The following RIPOR3 variants were observed in gnomAD, a reference collection of about 807,000 sequenced individuals.
RIPOR3 encodes the protein RIPOR family member 3.
Under a neutral mutation model 114.3 loss-of-function variants are expected in RIPOR3, and 95 were observed. That is an observed-to-expected ratio of 0.83 (90% CI 0.70 to 0.99). The LOEUF (loss-of-function observed/expected upper bound fraction) is 0.99. Ranked by LOEUF, RIPOR3 falls within the 50% of genes least tolerant of loss-of-function variation. The pLI, the probability that RIPOR3 is intolerant of heterozygous loss-of-function variation, is 0.00. For missense variants in RIPOR3, 1,252 were observed against 1,266.9 expected (o/e 0.99, Z 0.18); for synonymous variants, 575 against 543.8 (o/e 1.06, Z -0.80).
In RIPOR3 at chr20:50,610,917, A is replaced by G. The variant is rs763861307; in HGVS notation, c.373-11T>C. 5 of 1,614,112 alleles carry G rather than the reference A, an allele frequency of 3.1e-6. No homozygotes were observed. Among genetic ancestry groups the G allele is most frequent in the East Asian group, 2.2e-5 (1 of 44,878 alleles). On this transcript the variant is annotated splice_polypyrimidine_tract_variant and intron_variant, in intron 5 of 21. Coordinates refer to ENST00000327979, the MANE Select transcript of RIPOR3 (RefSeq NM_001290268.2). Reference sequence around the variant, plus strand: ...CACACAGCGCGTTTGCTTCTCCCGGAAAAAGGGAAGATGTTTGCAAAGTTG... The same window carrying G: ...CACACAGCGCGTTTGCTTCTCCCGGGAAAAGGGAAGATGTTTGCAAAGTTG...
intron 2 of RIPOR3, chr20:50,620,826 A>G: frequency 9.9e-7 from 1 of 1,010,670 alleles, no homozygotes; most frequent in Non-Finnish European, 1.5e-6. Flanking sequence ...AACGTGAGCA[A>G]GCCCAGGCAC....
intron 1 of RIPOR3, among the ~76,000 whole-genome samples, chr20:50,689,322 C>T (rs112207559): frequency 0.02 from 3,077 of 152,128 alleles, 41 homozygotes; most frequent in Middle Eastern, 0.054. Flanking sequence ...ACTATAGGCA[C>T]GCACCACCAC....
In RIPOR3 at chr20:50,620,854, T is replaced by TG. The variant is rs1600597029; in HGVS notation, c.123-723_123-722insC. 1.3e-5 allele frequency: 10 copies of TG among 753,300 alleles called. No individual in the cohort carries two copies. In the East Asian group the frequency reaches 2.7e-4, roughly 21 times the overall value. The allele number at this position is 753,300 out of a possible 1,614,324, so 46.7% of individuals were successfully genotyped here. On this transcript the variant is annotated intron_variant, in intron 2 of 21. Transcript: ENST00000327979. ...CCAGGCACAGCCGCTGCAGTGGGTG[T>TG]CTGACCAAATACACTGAGTTTGTGC...
chr20:50,672,528 C>G (rs2086551162), intron 1 of RIPOR3, among the ~76,000 whole-genome samples: 1 of 152,188 alleles, frequency 6.6e-6, no homozygotes, highest in South Asian at 2.1e-4. Flanking sequence ...AACCAACCAA[C>G]AGCCACAGCA....
Position 50,595,849 on chromosome 20 carries a change from G to A in RIPOR3, c.1914+291C>T, listed in dbSNP as rs6091181. 7.0e-3 allele frequency among the ~76,000 whole-genome samples: 1,068 copies of A among 152,298 alleles called. 12 individuals are homozygous for A. The highest frequency in any genetic ancestry group is 0.024 in the African/African-American group (1,000 of 41,556). ...TCTGAGGCTTTCAGTACCATGAGCC[G>A]ATAAATTTTCCTGTTGGCTGAGCCA... is the stretch of plus-strand genomic sequence containing the variant. On this transcript the variant is annotated intron_variant, in intron 15 of 21. Coordinates refer to ENST00000327979, the MANE Select transcript of RIPOR3 (RefSeq NM_001290268.2).
intron 14 of RIPOR3, 115 bp from the exon 15 acceptor site, chr20:50,596,378 C>T (rs780079472): frequency 8.3e-5 from 120 of 1,437,826 alleles, no homozygotes; most frequent in Non-Finnish European, 1.1e-4. Flanking sequence ...CTCCAGGTCC[C>T]AGGAAGTTCA....
At chr20:50,684,358 A>G (rs1171395825) in intron 1 of RIPOR3, among the ~76,000 whole-genome samples, 1 of 152,190 alleles carries the variant, frequency 6.6e-6, no homozygotes, top group Non-Finnish European at 1.5e-5. Context: ...CCAGGCATAG[A>G]GAAAAGCGAT....
At chr20:50,684,620 G>C (rs2086956774) in intron 1 of RIPOR3, among the ~76,000 whole-genome samples, 1 of 152,162 alleles carries the variant, frequency 6.6e-6, no homozygotes, top group Non-Finnish European at 1.5e-5. Context: ...GACCAGGAGG[G>C]AGGCAAGAGG....
chr20:50,668,700 T>C (rs182527114), intron 1 of RIPOR3, among the ~76,000 whole-genome samples: 86 of 152,088 alleles, frequency 5.7e-4, no homozygotes, highest in African/African-American at 2.1e-3. Context: ...CCCCTAAAAA[T>C]ACAAAAATTA....
At chr20:50,669,416 T>C (rs1224446684) in intron 1 of RIPOR3, among the ~76,000 whole-genome samples, 1 of 152,228 alleles carries the variant, frequency 6.6e-6, no homozygotes, top group African/African-American at 2.4e-5. Flanking sequence ...CTTTCCTCTT[T>C]GGCCTTTCTG....
chr20:50,657,992 T>G (rs1472464213), intron 1 of RIPOR3, among the ~76,000 whole-genome samples: 1 of 152,038 alleles, frequency 6.6e-6, no homozygotes, highest in African/African-American at 2.4e-5. Flanking sequence ...CTCAAACTCC[T>G]GGGCTCAAGT....
chr20:50,644,673 T>C (rs1014485123), intron 1 of RIPOR3, among the ~76,000 whole-genome samples: 3 of 134,940 alleles, frequency 2.2e-5, no homozygotes, highest in African/African-American at 5.7e-5. Context: ...TTTTTTTTGT[T>C]TGCTTTTTTT....
chr20:50,587,324 CT>C lies in RIPOR3; in HGVS notation c.2760del (p.Gly921AspfsTer3). ...TCCATCTTCTCAAAAGCTAACCGTC[CT>C]TTTTCACCTGAAATAGCAAAGGGAC... ...ARETTLSFGEKGRLAFEKMDK... is the reference protein window; with the variant it reads ...ARETTLSFGEXGRLAFEKMDK... On this transcript the variant is annotated frameshift_variant, in exon 22 of 22. Coordinates refer to ENST00000327979, the MANE Select transcript of RIPOR3 (RefSeq NM_001290268.2). LOFTEE classifies it high-confidence loss of function. The C allele has an allele frequency of 6.2e-7, 1 of 1,613,940 alleles. No individual in the cohort carries two copies.
At chr20:50,598,086 G>A (rs1234476152) in intron 13 of RIPOR3, among the ~76,000 whole-genome samples, 1 of 152,208 alleles carries the variant, frequency 6.6e-6, no homozygotes, top group African/African-American at 2.4e-5. Flanking sequence ...CTCATAGATC[G>A]CCCAGTTCTA....
chr20:50,608,341 G>GGGGC, intron 11 of RIPOR3, 48 bp downstream of exon 11: 2 of 1,609,464 alleles, frequency 1.2e-6, no homozygotes, highest in Non-Finnish European at 1.7e-6. Flanking sequence ...CAGGCCACCA[G>GGGGC]GGGCAGCCAG....
chr20:50,592,552 A>C lies in RIPOR3; in HGVS notation c.2375-6T>G. The C allele has an allele frequency of 6.6e-7, 1 of 1,517,580 alleles. No individual in the cohort carries two copies. Among genetic ancestry groups the C allele is most frequent in the Non-Finnish European group, 8.8e-7 (1 of 1,130,958 alleles). 94.0% of individuals were successfully genotyped at this position (1,517,580 alleles called of 1,614,324 possible). ...AAGCTCCTCGATGAGTGTCACTAGAAGACAGGAAAGAGGTGGGCCCAGGTC... is the reference window on the plus strand; with the variant it reads ...AAGCTCCTCGATGAGTGTCACTAGACGACAGGAAAGAGGTGGGCCCAGGTC... On this transcript the variant is annotated splice_polypyrimidine_tract_variant and splice_region_variant and intron_variant, in intron 18 of 21. Coordinates refer to ENST00000327979, the MANE Select transcript of RIPOR3 (RefSeq NM_001290268.2).
chr20:50,587,305 T>G lies in RIPOR3; in HGVS notation c.2780A>C (p.Lys927Thr). The change falls in exon 22 of 22, where the codon AAG (lysine) becomes ACG (threonine). Residue 927 changes from lysine (K) to threonine (T), a missense_variant. Coordinates refer to ENST00000327979, the MANE Select transcript of RIPOR3 (RefSeq NM_001290268.2). ...FGEKGRLAFE[K>T]MDKLCSEQRE... ...TTGTTCTGAGCAGAGCTTGTCCATC[T>G]TCTCAAAAGCTAACCGTCCTTTTTC... 2 of 1,614,198 alleles carry G rather than the reference T, an allele frequency of 1.2e-6. No homozygotes were observed. Among genetic ancestry groups the G allele is most frequent in the South Asian group, 1.1e-5 (1 of 91,088 alleles).
intron 1 of RIPOR3, among the ~76,000 whole-genome samples, chr20:50,651,231 C>G (rs1457236178): frequency 6.6e-6 from 1 of 152,156 alleles, no homozygotes; most frequent in Non-Finnish European, 1.5e-5. Flanking sequence ...CCCCCAGTGA[C>G]AGCTAGGAAG....
intron 4 of RIPOR3, among the ~76,000 whole-genome samples, chr20:50,612,366 A>T (rs1376067712): frequency 2.0e-5 from 3 of 151,958 alleles, no homozygotes; most frequent in Non-Finnish European, 2.9e-5. Context: ...GTCAAGAAAC[A>T]TTTTTTTAAA....
Sources: gnomAD v4.1 joint callset for allele counts (sites outside exome capture counted in the v4.1 genomes callset) on GRCh38, gnomAD v4.1.1 for gene constraint, MANE v1.5 for transcripts, NCBI Gene and HGNC (gene_info 2026-07-23, HGNC 2026-07-21) for gene names.